Variants in EDEM1 observed in about 807,000 individuals in gnomAD.
EDEM1 encodes ER degradation-enhancing alpha-mannosidase-like protein 1.
Under a neutral mutation model 74.4 loss-of-function variants are expected in EDEM1, and 67 were observed. That is an observed-to-expected ratio of 0.90 (90% CI 0.74 to 1.10). The LOEUF (loss-of-function observed/expected upper bound fraction) is 1.10. Ranked by LOEUF, EDEM1 falls within the 50% of genes least tolerant of loss-of-function variation. EDEM1 has a pLI of 0.00. For missense variants in EDEM1, 926 were observed against 851.6 expected (o/e 1.09, Z -1.09); for synonymous variants, 382 against 335.9 (o/e 1.14, Z -1.50).
intron 1 of EDEM1, chr3:5,189,423 A>G (rs1044774948): frequency 6.6e-6 from 1 of 152,224 alleles, no homozygotes. Flanking sequence ...CATGATTTCT[A>G]CCGAAGCAAG....
At chr3:5,208,058 G>T (rs1353155996) in intron 7 of EDEM1, 35 bp from the exon 8 acceptor site, 1 of 1,554,168 alleles carries the variant, frequency 6.4e-7, no homozygotes, top group Non-Finnish European at 8.7e-7. Flanking sequence ...TCTAGGAATG[G>T]TATCTCAGCC....
rs973988156 is a variant in EDEM1 at position 5,215,987 on chromosome 3, G to A, written c.*69G>A. 5.9e-6 allele frequency: 8 copies of A among 1,349,518 alleles called. No homozygotes were observed. The highest frequency in any genetic ancestry group is 8.3e-6 in the Non-Finnish European group (8 of 959,698). The allele number at this position is 1,349,518 out of a possible 1,614,324, so 83.6% of individuals were successfully genotyped here. A position where few individuals can be genotyped will look rare whatever the true frequency, so the allele number is the denominator to read the frequency against. ...CAAACCCAGACCATGCCAAAGTCCA[G>A]TCTGAAATGAAAGGGGACAGAAGTC... On this transcript the variant is annotated 3_prime_UTR_variant, in exon 12 of 12. Coordinates refer to ENST00000256497, the MANE Select transcript of EDEM1 (RefSeq NM_014674.3).
At chr3:5,195,877 G>T (rs2054960167) in intron 2 of EDEM1, among the ~76,000 whole-genome samples, 1 of 152,266 alleles carries the variant, frequency 6.6e-6, no homozygotes, top group South Asian at 2.1e-4. Flanking sequence ...ATATGCAGAA[G>T]CACCTTGAAG....
chr3:5,198,054 T>G (rs1283347724), intron 2 of EDEM1, among the ~76,000 whole-genome samples: 1 of 144,448 alleles, frequency 6.9e-6, no homozygotes. Context: ...TTTTTTGTCT[T>G]TTTTTTTTGA....
At position 5,216,097 on chromosome 3, in the gene EDEM1, G is replaced by A. The variant is rs182254949; in HGVS notation, c.*179G>A. ...TTGCACACTTCAGTGTTTCTCTCCT[G>A]TTCAATAAAATGCCCTGTTAAGGAT... On this transcript the variant is annotated 3_prime_UTR_variant, in exon 12 of 12. Transcript: ENST00000256497. 130 of 554,950 alleles carry A rather than the reference G, an allele frequency of 2.3e-4. 1 individual carries two copies. In the African/African-American group the frequency reaches 2.4e-3, roughly 10 times the overall value. 34.4% of individuals were successfully genotyped at this position (554,950 alleles called of 1,614,324 possible).
chr3:5,211,285 C>T, intron 10 of EDEM1, 69 bp downstream of exon 10: 1 of 1,442,482 alleles, frequency 6.9e-7, no homozygotes, highest in East Asian at 2.3e-5. Context: ...CATAGTCTTC[C>T]ATCTGACAGG....
At chr3:5,214,194 A>G (rs960820983) in intron 11 of EDEM1, among the ~76,000 whole-genome samples, 1 of 152,208 alleles carries the variant, frequency 6.6e-6, no homozygotes. Flanking sequence ...AGTATCAGGT[A>G]GTTGTGTTGA....
At chr3:5,194,112 G>A (rs141882784) in intron 1 of EDEM1, among the ~76,000 whole-genome samples, 10 of 152,342 alleles carry the variant, frequency 6.6e-5, no homozygotes, top group Admixed American at 2.6e-4. Flanking sequence ...CTGACTGGAA[G>A]GTGAGATAAG....
intron 1 of EDEM1, 70 bp from the exon 2 acceptor site, chr3:5,195,139 G>A: frequency 1.2e-6 from 1 of 829,502 alleles, no homozygotes; most frequent in Non-Finnish European, 1.8e-6. Context: ...AGTTTCTGAT[G>A]GGTGTTTACT....
rs772327832 is a variant in EDEM1 at position 5,211,241 on chromosome 3, A to C, written c.1680+25A>C. On this transcript the variant is annotated intron_variant, in intron 10 of 11. Transcript: ENST00000256497. ...GGTATGTGTGTTGCAAGATGAACCCAGGAATATTTAGTATTGCTTAGAGCA... is the reference window on the plus strand; with the variant it reads ...GGTATGTGTGTTGCAAGATGAACCCCGGAATATTTAGTATTGCTTAGAGCA... 5 of 1,602,964 alleles carry C rather than the reference A, an allele frequency of 3.1e-6. No individual in the cohort carries two copies. In the East Asian group the frequency reaches 8.9e-5, roughly 29 times the overall value.
At chr3:5,213,235 C>G in intron 10 of EDEM1, 84 bp from the exon 11 acceptor site, 1 of 1,357,084 alleles carries the variant, frequency 7.4e-7, no homozygotes, top group Non-Finnish European at 1.0e-6. Context: ...AATTCTACTC[C>G]CTGAGTAGCT....
At chr3:5,215,653 T>C (rs915602325) in intron 11 of EDEM1, among the ~76,000 whole-genome samples, 176 bp from the exon 12 acceptor site, 9 of 152,168 alleles carry the variant, frequency 5.9e-5, no homozygotes, top group Admixed American at 2.0e-4. Flanking sequence ...TGGCACCTAG[T>C]GGGAGAGGCA....
At chr3:5,188,456 C>G in intron 1 of EDEM1, 142 bp downstream of exon 1, 1 of 967,984 alleles carries the variant, frequency 1.0e-6, no homozygotes, top group Non-Finnish European at 1.4e-6. Context: ...CGCCCTGTCC[C>G]GTGTGAGTCC....
At chr3:5,212,818 C>T (rs112146492) in intron 10 of EDEM1, among the ~76,000 whole-genome samples, 5,343 of 152,270 alleles carry the variant, frequency 0.035, 312 homozygotes, top group African/African-American at 0.12. Context: ...CAGAGCCCAA[C>T]CCTTGTTGTG....
At chr3:5,203,891 C>T (rs1395531154) in intron 5 of EDEM1, among the ~76,000 whole-genome samples, 1 of 152,074 alleles carries the variant, frequency 6.6e-6, no homozygotes, top group Non-Finnish European at 1.5e-5. Flanking sequence ...GCCACCATGT[C>T]CAGCTAATTT....
At chr3:5,211,313 T>A in intron 10 of EDEM1, 97 bp downstream of exon 10, 1 of 1,182,600 alleles carries the variant, frequency 8.5e-7, no homozygotes, top group Non-Finnish European at 1.2e-6. Flanking sequence ...TGGCTAAAGC[T>A]ATGTGCTGGA....
intron 5 of EDEM1, among the ~76,000 whole-genome samples, chr3:5,203,820 C>G (rs1446614737): frequency 1.3e-5 from 2 of 152,164 alleles, no homozygotes; most frequent in Admixed American, 1.3e-4. Context: ...GCGGCCTCCA[C>G]TTGCCGGGTT....
In EDEM1 at chr3:5,195,227, T is replaced by C. The variant is rs201101167; in HGVS notation, c.528T>C (p.Asn176=). ...TTTTCAGTTCAAATCTGAACATCAA[T>C]GATGTACTAGGGAACTACTCATTGA... ...DRGDPSNLNI[N]DVLGNYSLTL... is the part of the protein sequence containing the mutation. The change falls in exon 2 of 12, where the codon AAT becomes AAC. Residue 176 remains asparagine (N), a synonymous_variant. Transcript: ENST00000256497. The C allele has an allele frequency of 5.2e-6, 8 of 1,544,318 alleles. 1 individual carries two copies. In the South Asian group the frequency reaches 8.6e-5, roughly 17 times the overall value.
rs1559302236 is a variant in EDEM1 at position 5,216,152 on chromosome 3, T to C, written c.*234T>C. The stretch of plus-strand genomic sequence containing the variant: ...TTTGAAGTGAGAAGATACATGGAAA[T>C]TGCCCTCTTATGACATGTTGATGTT... On this transcript the variant is annotated 3_prime_UTR_variant, in exon 12 of 12. Coordinates refer to ENST00000256497, the MANE Select transcript of EDEM1 (RefSeq NM_014674.3). 2 of 520,388 alleles carry C rather than the reference T, an allele frequency of 3.8e-6. No homozygotes were observed. Among genetic ancestry groups the C allele is most frequent in the Non-Finnish European group, 6.7e-6 (2 of 299,338 alleles). 32.2% of individuals were successfully genotyped at this position (520,388 alleles called of 1,614,324 possible). A position where few individuals can be genotyped will look rare whatever the true frequency, so the allele number is the denominator to read the frequency against.
Sources: gnomAD v4.1 joint callset for allele counts (sites outside exome capture counted in the v4.1 genomes callset) on GRCh38, gnomAD v4.1.1 for gene constraint, MANE v1.5 for transcripts, NCBI Gene and HGNC (gene_info 2026-07-23, HGNC 2026-07-21) for gene names.